The following E4F1 variants were observed in gnomAD, a reference collection of about 807,000 sequenced individuals.
E4F1 encodes transcription factor E4F1.
In E4F1, 30 loss-of-function variants were observed where a neutral mutation model predicts 72.9. The observed-to-expected ratio is 0.41, with a 90% confidence interval of 0.31 to 0.56. The LOEUF (loss-of-function observed/expected upper bound fraction) is 0.56. Ranked by LOEUF, E4F1 falls within the 20% of genes least tolerant of loss-of-function variation. The pLI, the probability that E4F1 is intolerant of heterozygous loss-of-function variation, is 0.25. For synonymous variants in E4F1, 542 were observed against 478.2 expected, an observed-to-expected ratio of 1.13 and a Z score of -1.74; for missense variants, 1,091 against 1,117.5, an observed-to-expected ratio of 0.98 and a Z score of 0.34.
Position 2,234,946 on chromosome 16 carries a change from C to G in E4F1, c.1880C>G (p.Thr627Arg), listed in dbSNP as rs1037578372. The G allele has an allele frequency of 6.3e-7, 1 of 1,583,890 alleles. No homozygotes were observed. Among genetic ancestry groups the G allele is most frequent in the African/African-American group, 1.3e-5 (1 of 74,308 alleles). Reference protein sequence around the residue: ...ATTVLTEDPHTVLVEFSSVVA... With the variant: ...ATTVLTEDPHRVLVEFSSVVA... ...ACCGTCCTCACGGAAGACCCGCACA[C>G]AGTGTTGGTGGAGTTCTCGTCCGTG... The change falls in exon 12 of 14, where the codon ACA (threonine) becomes AGA (arginine). Residue 627 changes from threonine (T) to arginine (R), a missense_variant. By Grantham distance (71) the Thr-to-Arg change is moderately conservative. This residue lies in a region of E4F1 where 622 missense variants were observed against 628.0 expected (regional missense o/e 0.99). Transcript: ENST00000301727.
intron 1 of E4F1, among the ~76,000 whole-genome samples, chr16:2,224,337 C>T (rs1454177912): frequency 1.3e-5 from 2 of 152,246 alleles, no homozygotes; most frequent in Non-Finnish European, 2.9e-5. Flanking sequence ...CTCTGTGAAC[C>T]TCTATTTCCC....
chr16:2,224,042 A>C, intron 1 of E4F1: 1 of 1,242,384 alleles, frequency 8.0e-7, no homozygotes. Context: ...CGGTGTAGAC[A>C]TTCGCAGACG....
chr16:2,233,236 G>A (rs1417632808), intron 7 of E4F1, 53 bp downstream of exon 7: 2 of 1,545,648 alleles, frequency 1.3e-6, no homozygotes, highest in Non-Finnish European at 1.7e-6. Flanking sequence ...CCTGCTCGGT[G>A]CCAGTCTTTG....
chr16:2,224,978 C>G (rs1456486549), intron 1 of E4F1, among the ~76,000 whole-genome samples: 1 of 151,170 alleles, frequency 6.6e-6, no homozygotes, highest in Non-Finnish European at 1.5e-5. Flanking sequence ...TTTGGGAGGC[C>G]AAGGTGGGTG....
In E4F1 at chr16:2,229,688, C is replaced by T; in HGVS notation, c.415+13C>T. ...TCTGACCTTGTTGGTAAGCCGACTT[C>T]CATGAATCGCTGGCCTGATAGACCT... On this transcript the variant is annotated intron_variant, in intron 3 of 13. Transcript: ENST00000301727. 6.2e-7 allele frequency: 1 copy of T among 1,612,156 alleles called. No homozygotes were observed. Among genetic ancestry groups the T allele is most frequent in the Non-Finnish European group, 8.5e-7 (1 of 1,179,680 alleles).
chr16:2,229,466 A>T, intron 2 of E4F1, 104 bp from the exon 3 acceptor site: 2 of 1,253,142 alleles, frequency 1.6e-6, no homozygotes, highest in Non-Finnish European at 2.3e-6. Context: ...GAGCACCACA[A>T]GTCACACCTC....
Position 2,235,625 on chromosome 16 carries a change from C to A in E4F1, c.*53C>A. On this transcript the variant is annotated 3_prime_UTR_variant, in exon 14 of 14. Transcript: ENST00000301727. ...CAGGGACAGGGCAGAGGACTCTGAGCGCCCCACCCATGCCTGCCTGGCCTG... is the reference window on the plus strand; with the variant it reads ...CAGGGACAGGGCAGAGGACTCTGAGAGCCCCACCCATGCCTGCCTGGCCTG... 1.4e-6 allele frequency: 2 copies of A among 1,466,578 alleles called. No individual in the cohort carries two copies. The highest frequency in any genetic ancestry group is 1.8e-6 in the Non-Finnish European group (2 of 1,093,236). 90.8% of individuals were successfully genotyped at this position (1,466,578 alleles called of 1,614,324 possible).
At chr16:2,227,470 C>G (rs2093438623) in intron 1 of E4F1, among the ~76,000 whole-genome samples, 1 of 152,006 alleles carries the variant, frequency 6.6e-6, no homozygotes, top group East Asian at 1.9e-4. Context: ...CTGCCGGGTT[C>G]ATGCCATTCT....
Position 2,235,311 on chromosome 16 carries a change from G to C in E4F1, c.2094G>C (p.Glu698Asp). The C allele has an allele frequency of 6.2e-7, 1 of 1,611,016 alleles. No homozygotes were observed. The highest frequency in any genetic ancestry group is 8.5e-7 in the Non-Finnish European group (1 of 1,179,928). ...TGCAGAACGTCACCATGGACGAGGA[G>C]ACGGCGCTGGGCCCAGAGGCGGCTG... ...IIVQNVTMDEETALGPEAAAA... is the reference protein window; with the variant it reads ...IIVQNVTMDEDTALGPEAAAA... The change falls in exon 14 of 14, where the codon GAG (glutamate) becomes GAC (aspartate). Residue 698 changes from glutamate to aspartate, a missense_variant. This residue lies in a region of E4F1 where 622 missense variants were observed against 628.0 expected (regional missense o/e 0.99). Coordinates refer to ENST00000301727, the MANE Select transcript of E4F1 (RefSeq NM_004424.5).
In E4F1 at chr16:2,233,266, G is replaced by T. The variant is rs1026062428; in HGVS notation, c.1056+83G>T. 23 of 1,508,598 alleles carry T rather than the reference G, an allele frequency of 1.5e-5. No individual in the cohort carries two copies. The Admixed American group carries it at 4.7e-4, about 31-fold the overall frequency. 93.5% of individuals were successfully genotyped at this position (1,508,598 alleles called of 1,614,324 possible). On this transcript the variant is annotated intron_variant, in intron 7 of 13. Transcript: ENST00000301727. ...TCTTTGTTCTGGGCACTGGCTCCAG[G>T]GGTCTGAGCCAGGCAGGCGAGGGCT...
chr16:2,224,037 T>TAGAC (rs2093415877), intron 1 of E4F1: 1 of 1,320,376 alleles, frequency 7.6e-7, no homozygotes, highest in South Asian at 1.6e-5. Flanking sequence ...GCGCCCGGTG[T>TAGAC]AGACATTCGC....
In E4F1 at chr16:2,235,248, G is replaced by A. The variant is rs1244080616; in HGVS notation, c.2031G>A (p.Gln677=). The change falls in exon 14 of 14, where the codon CAG becomes CAA. Residue 677 remains glutamine, a synonymous_variant. Coordinates refer to ENST00000301727, the MANE Select transcript of E4F1 (RefSeq NM_004424.5). ...GCCACATCATGAAGGTGGTGCAGCAGATCGTGCACCAGGCTAGCGCCGGCC... is the reference window on the plus strand; with the variant it reads ...GCCACATCATGAAGGTGGTGCAGCAAATCGTGCACCAGGCTAGCGCCGGCC... ...VDSHIMKVVQ[Q]IVHQASAGHQ... is the part of the protein sequence containing the mutation. The A allele has an allele frequency of 1.9e-6, 3 of 1,610,578 alleles. No homozygotes were observed. The highest frequency in any genetic ancestry group is 2.5e-6 in the Non-Finnish European group (3 of 1,179,468).
In E4F1 at chr16:2,232,278, G is replaced by T. The variant is rs1463651921; in HGVS notation, c.523G>T (p.Gly175Trp). 6.2e-7 allele frequency: 1 copy of T among 1,612,224 alleles called. No individual in the cohort carries two copies. The highest frequency in any genetic ancestry group is 1.7e-5 in the Admixed American group (1 of 59,936). Residue 175 changes from glycine (G) to tryptophan (W), a missense_variant, in exon 4 of 14, where the codon GGG becomes TGG. By Grantham distance (184) the Gly-to-Trp change is radical. Around this residue, in one of 5 missense-constraint regions of E4F1, gnomAD observed 362 missense variants for 358.6 expected, o/e 1.01. Coordinates refer to ENST00000301727, the MANE Select transcript of E4F1 (RefSeq NM_004424.5). ...SPRQQGLGLA[G>W]EGEQAQVKLL... ...CCGCCAGCAGGGGCTGGGGCTCGCAGGGGAGGGTGAGCAGGCCCAGGTGAA... is the reference window on the plus strand; with the variant it reads ...CCGCCAGCAGGGGCTGGGGCTCGCATGGGAGGGTGAGCAGGCCCAGGTGAA...
At chr16:2,225,415 C>G (rs1708727437) in intron 1 of E4F1, among the ~76,000 whole-genome samples, 2 of 151,428 alleles carry the variant, frequency 1.3e-5, no homozygotes, top group African/African-American at 4.9e-5. Context: ...GAGAGGATCA[C>G]TTGAGCCCAA....
intron 3 of E4F1, chr16:2,230,729 T>A (rs1298535757): frequency 6.6e-6 from 1 of 151,758 alleles, no homozygotes; most frequent in Non-Finnish European, 1.5e-5. Context: ...CTGTCTCACC[T>A]CCGTGCTGCC....
At position 2,228,510 on chromosome 16, in the gene E4F1, T is replaced by C. The variant is rs960693064; in HGVS notation, c.296T>C (p.Leu99Ser). Residue 99 changes from leucine to serine, a missense_variant, in exon 2 of 14, where the codon TTG becomes TCG. Leu to Ser is a moderately radical substitution (Grantham distance 145). Coordinates refer to ENST00000301727, the MANE Select transcript of E4F1 (RefSeq NM_004424.5). ...CCTGCCACCCCTGCCACCACAGCGT[T>C]GCTGGGCCAGGAGGTGAGCCCTCAC... The part of the protein sequence containing the change: ...ALPATPATTA[L>S]LGQEVVPAAP... 1 of 1,612,726 alleles carries C rather than the reference T, an allele frequency of 6.2e-7. No individual in the cohort carries two copies. Among genetic ancestry groups the C allele is most frequent in the Non-Finnish European group, 8.5e-7 (1 of 1,179,760 alleles).
At chr16:2,228,198 C>T in intron 1 of E4F1, 174 bp from the exon 2 acceptor site, 1 of 834,844 alleles carries the variant, frequency 1.2e-6, no homozygotes, top group Non-Finnish European at 2.0e-6. Flanking sequence ...AGGGGCTGTA[C>T]CTTGGGATGA....
At position 2,232,495 on chromosome 16, in the gene E4F1, C is replaced by T. The variant is rs144383218; in HGVS notation, c.649C>T (p.Arg217Cys). Residue 217 changes from arginine (R) to cysteine (C), a missense_variant, in exon 5 of 14, where the codon CGC (arginine) becomes TGC (cysteine). Arg to Cys is a radical substitution (Grantham distance 180). Coordinates refer to ENST00000301727, the MANE Select transcript of E4F1 (RefSeq NM_004424.5). ...GGCCCACATGGTCACTCACAGCAGC[C>T]GCAAGGACCACGAGTGCAAGCTCTG... ...LKAHMVTHSS[R>C]KDHECKLCGA... 4.7e-5 allele frequency: 76 copies of T among 1,611,506 alleles called. No homozygotes were observed. Among genetic ancestry groups the T allele is most frequent in the African/African-American group, 5.3e-5 (4 of 74,912 alleles).
chr16:2,225,085 C>T (rs2141428718), intron 1 of E4F1, among the ~76,000 whole-genome samples: 1 of 151,972 alleles, frequency 6.6e-6, no homozygotes, highest in Admixed American at 6.6e-5. Flanking sequence ...TGGTGGTGCG[C>T]GTCTGTAATC....
Sources: allele counts gnomAD v4.1 joint callset (sites outside exome capture counted in the v4.1 genomes callset), GRCh38; gene constraint gnomAD v4.1.1; regional missense constraint gnomAD v4.1.1; transcripts MANE v1.5; gene names NCBI Gene and HGNC (gene_info 2026-07-23, HGNC 2026-07-21).